INSR: variants seen among roughly 807,000 people sequenced by gnomAD.
INSR encodes IR.
A neutral mutation model predicts 142.6 loss-of-function variants in INSR; 67 were observed. That is an observed-to-expected ratio of 0.47 (90% CI 0.39 to 0.58). The LOEUF (loss-of-function observed/expected upper bound fraction) is 0.58, where lower values mean the gene tolerates loss of function less well. Among genes scored for constraint, INSR ranks in the 20% least tolerant of loss-of-function variants. The pLI is 0.00. For synonymous variants in INSR, 756 were observed against 743.1 expected, an observed-to-expected ratio of 1.02 and a Z score of -0.28; for missense variants, 1,248 against 1,833.2, an observed-to-expected ratio of 0.68 and a Z score of 5.83.
At chr19:7,141,844 G>T (rs1973076729) in intron 12 of INSR, 28 bp from the exon 13 acceptor site, 3 of 1,591,040 alleles carry the variant, frequency 1.9e-6, no homozygotes, top group Non-Finnish European at 2.6e-6. Flanking sequence ...GAGAGGCAGG[G>T]ATGTAACTCT....
At chr19:7,130,455 A>G (rs932990423) in intron 14 of INSR, among the ~76,000 whole-genome samples, 2 of 152,234 alleles carry the variant, frequency 1.3e-5, no homozygotes, top group East Asian at 1.9e-4. Flanking sequence ...GTAATCCCCA[A>G]TGTTGGAGGA....
intron 1 of INSR, among the ~76,000 whole-genome samples, chr19:7,278,580 T>A (rs1259155873): frequency 6.6e-6 from 1 of 152,178 alleles, no homozygotes; most frequent in Non-Finnish European, 1.5e-5. Flanking sequence ...CCACACAGGC[T>A]GGGCACAGTG....
intron 2 of INSR, among the ~76,000 whole-genome samples, chr19:7,236,208 C>T (rs934562723): frequency 3.9e-5 from 6 of 151,990 alleles, no homozygotes; most frequent in Non-Finnish European, 8.8e-5. Flanking sequence ...GTGATCCACC[C>T]GCCTCAGCCT....
At position 7,162,409 on chromosome 19, in the gene INSR, G is replaced by A. The variant is rs1191990186; in HGVS notation, c.2029+623C>T. On this transcript the variant is annotated intron_variant, in intron 9 of 21. Coordinates refer to ENST00000302850, the MANE Select transcript of INSR (RefSeq NM_000208.4). ...TTGTGGTGTTCCAGCAACTCATGAG[G>A]CTGAGGCAAGAGGATTGCTTGAGCC... Among the ~76,000 whole-genome samples the A allele has an allele frequency of 2.0e-5, 3 of 151,032 alleles. No homozygotes were observed. The Admixed American group carries it at 2.0e-4, about 10-fold the overall frequency.
intron 11 of INSR, among the ~76,000 whole-genome samples, chr19:7,149,361 G>A (rs1192810827): frequency 1.3e-5 from 2 of 152,178 alleles, no homozygotes; most frequent in African/African-American, 4.8e-5. Flanking sequence ...CTCTGCTAAA[G>A]GAAGAAAATC....
chr19:7,256,190 C>T (rs1389697547), intron 2 of INSR, among the ~76,000 whole-genome samples: 2 of 152,094 alleles, frequency 1.3e-5, no homozygotes, highest in South Asian at 2.1e-4. Flanking sequence ...GTAATCCCAG[C>T]GCTTTGGGAG....
chr19:7,143,129 C>A, intron 11 of INSR, 39 bp from the exon 12 acceptor site: 1 of 1,608,520 alleles, frequency 6.2e-7, no homozygotes, highest in Non-Finnish European at 8.5e-7. Context: ...ACACCATCAC[C>A]ATCATTTTTT....
rs1270168596 is a variant in INSR, at chr19:7,174,597, T to C, written c.1109A>G (p.Asn370Ser). Residue 370 changes from asparagine to serine, a missense_variant, in exon 4 of 22, where the codon AAC becomes AGC. Asn to Ser is a conservative substitution (Grantham distance 46, BLOSUM62 1). Transcript: ENST00000302850. ...GAGACACTCACTGCCTCCTCGAATG[T>C]TGATGATCAGACTCCCGTTGATGAC... Reference protein sequence around the residue: ...CTVINGSLIINIRGGNNLAAE... With the variant: ...CTVINGSLIISIRGGNNLAAE... The C allele has an allele frequency of 6.2e-6, 10 of 1,613,922 alleles. No homozygotes were observed. The highest frequency in any genetic ancestry group is 8.5e-6 in the Non-Finnish European group (10 of 1,179,976).
chr19:7,270,335 T>TCA (rs1277505424), intron 1 of INSR, among the ~76,000 whole-genome samples: 1,105 of 83,102 alleles, frequency 0.013, 8 homozygotes, highest in Non-Finnish European at 0.021. Context: ...TCTCTCTCTC[T>TCA]CTCTCACACA....
At chr19:7,257,046 G>A (rs922473204) in intron 2 of INSR, among the ~76,000 whole-genome samples, 24 of 149,606 alleles carry the variant, frequency 1.6e-4, no homozygotes, top group Non-Finnish European at 2.2e-4. Context: ...GGGTTCAAGC[G>A]ATTCTCCTGT....
At position 7,256,816 on chromosome 19, in the gene INSR, TTTG is replaced by T. The variant is rs200594639; in HGVS notation, c.652+10526_652+10528del. Among the ~76,000 whole-genome samples the T allele has an allele frequency of 8.5e-4, 128 of 150,952 alleles. 1 individual carries two copies. The East Asian group carries it at 0.02, about 23-fold the overall frequency. On this transcript the variant is annotated intron_variant, in intron 2 of 21. Coordinates refer to ENST00000302850, the MANE Select transcript of INSR (RefSeq NM_000208.4). ...TGGAATTTTTTTCAGTACAGTTTTT[TTTG>T]TTTGTTTCTCTCCTAGATTTTTTTT...
chr19:7,178,032 A>AT (rs1974180168), intron 3 of INSR, among the ~76,000 whole-genome samples: 1 of 151,970 alleles, frequency 6.6e-6, no homozygotes, highest in African/African-American at 2.4e-5. Context: ...TACAAGGGTC[A>AT]TTTTTTATTG....
chr19:7,183,567 G>A (rs1392596588), intron 3 of INSR, among the ~76,000 whole-genome samples: 1 of 152,084 alleles, frequency 6.6e-6, no homozygotes, highest in South Asian at 2.1e-4. Context: ...GAGACAGTAT[G>A]TTCTGGGCTA....
intron 13 of INSR, among the ~76,000 whole-genome samples, chr19:7,139,332 G>A (rs1199176914): frequency 2.6e-5 from 4 of 152,190 alleles, no homozygotes; most frequent in Non-Finnish European, 5.9e-5. Flanking sequence ...AATAACTAAA[G>A]CTGTCAATCC....
intron 2 of INSR, among the ~76,000 whole-genome samples, chr19:7,234,371 T>C (rs1259968078): frequency 6.6e-6 from 1 of 152,060 alleles, no homozygotes; most frequent in East Asian, 1.9e-4. Flanking sequence ...TACACCCAAT[T>C]AATTTTTAAA....
At chr19:7,148,898 C>T (rs1973250437) in intron 11 of INSR, among the ~76,000 whole-genome samples, 1 of 146,726 alleles carries the variant, frequency 6.8e-6, no homozygotes, top group African/African-American at 2.5e-5. Context: ...AGGTTCACGC[C>T]ATTCTCCTGC....
At position 7,251,611 on chromosome 19, in the gene INSR, C is replaced by T. The variant is rs139513071; in HGVS notation, c.652+15734G>A. ...AGCTAAATATTTGTCTACAGATTCA[C>T]ACTTGGGTGATAAAACTATACAGAA... On this transcript the variant is annotated intron_variant, in intron 2 of 21. Transcript: ENST00000302850. Among the ~76,000 whole-genome samples, 140 of 151,908 alleles carry T rather than the reference C, an allele frequency of 9.2e-4. 2 individuals are homozygous for T. The highest frequency in any genetic ancestry group is 3.2e-3 in the African/African-American group (133 of 41,362).
chr19:7,245,291 AG>A (rs1394003388), intron 2 of INSR, among the ~76,000 whole-genome samples: 1 of 152,008 alleles, frequency 6.6e-6, no homozygotes, highest in East Asian at 1.9e-4. Context: ...CAACCAGAAA[AG>A]GAAACACTCT....
chr19:7,276,964 C>T (rs1450195214), intron 1 of INSR, among the ~76,000 whole-genome samples: 2 of 152,102 alleles, frequency 1.3e-5, no homozygotes, highest in Non-Finnish European at 2.9e-5. Flanking sequence ...CTCGTGACCT[C>T]AGGTGATCCA....
Sources: gnomAD v4.1 joint callset for allele counts (sites outside exome capture counted in the v4.1 genomes callset) on GRCh38, gnomAD v4.1.1 for gene constraint, MANE v1.5 for transcripts, NCBI Gene and HGNC (gene_info 2026-07-23, HGNC 2026-07-21) for gene names.